PNPT1: variants seen among roughly 807,000 people sequenced by gnomAD.
PNPT1 encodes the protein polyribonucleotide nucleotidyltransferase 1, mitochondrial.
Under a neutral mutation model 119.5 loss-of-function variants are expected in PNPT1, and 53 were observed. That is an observed-to-expected ratio of 0.44 (90% confidence interval 0.36 to 0.56). The LOEUF is 0.56. Among genes scored for constraint, PNPT1 ranks in the 20% least tolerant of loss-of-function variants. PNPT1 has a pLI of 0.00. For missense variants in PNPT1, 948 were observed against 938.5 expected, an observed-to-expected ratio of 1.01 and a Z score of -0.13; for synonymous variants, 357 against 322.1, an observed-to-expected ratio of 1.11 and a Z score of -1.16.
intron 1 of PNPT1, among the ~76,000 whole-genome samples, chr2:55,689,933 C>T (rs1478481240): frequency 1.3e-5 from 2 of 152,120 alleles, no homozygotes; most frequent in African/African-American, 4.8e-5. Context: ...GTGATCCTCC[C>T]ATCTCAGCCT....
intron 12 of PNPT1, among the ~76,000 whole-genome samples, chr2:55,667,566 A>G (rs1696772943): frequency 6.7e-6 from 1 of 149,802 alleles, no homozygotes; most frequent in South Asian, 2.1e-4. Context: ...AGCCTGGGTG[A>G]CAGAGCGAGA....
chr2:55,687,464 C>T (rs937532695), intron 2 of PNPT1, among the ~76,000 whole-genome samples, 181 bp downstream of exon 2: 1 of 151,828 alleles, frequency 6.6e-6, no homozygotes, highest in Non-Finnish European at 1.5e-5. Context: ...TCACTTAATA[C>T]ATGCAGTGCT....
chr2:55,671,808 CAGAG>C (rs776879035), intron 10 of PNPT1, among the ~76,000 whole-genome samples, 183 bp downstream of exon 10: 1 of 152,184 alleles, frequency 6.6e-6, no homozygotes, highest in Non-Finnish European at 1.5e-5. Context: ...GCCTGGGCGA[CAGAG>C]AGAGACTCTG....
At position 55,656,217 on chromosome 2, in the gene PNPT1, G is replaced by A. The variant is rs376803449; in HGVS notation, c.1355C>T (p.Ala452Val). 9 of 1,612,854 alleles carry A rather than the reference G, an allele frequency of 5.6e-6. No individual in the cohort carries two copies. Among genetic ancestry groups the A allele is most frequent in the Non-Finnish European group, 6.8e-6 (8 of 1,179,486 alleles). ...AGGATACAAAGCTTTCTCAGCAAGA[G>A]CACCTAAATTAGAATAGAAAACAAT... ...GLNRRELGHG[A>V]LAEKALYPVI... Residue 452 changes from alanine to valine, a missense_variant, in exon 17 of 28, where the codon GCT becomes GTT. Physicochemically the swap from Ala to Val is moderately conservative, Grantham distance 64. Coordinates refer to ENST00000447944, the MANE Select transcript of PNPT1 (RefSeq NM_033109.5).
chr2:55,637,616 T>TA lies in PNPT1; in HGVS notation c.2149-18dup. The TA allele has an allele frequency of 6.3e-7, 1 of 1,582,940 alleles. No individual in the cohort carries two copies. ...ATGTTTAATCTGGAAAAAAAAATGT[T>TA]AATCTATTAGTTGTTGTGCATAATT... On this transcript the variant is annotated splice_polypyrimidine_tract_variant and intron_variant, in intron 26 of 27. Transcript: ENST00000447944.
At chr2:55,685,107 T>C (rs1466434552) in intron 3 of PNPT1, 59 bp from the exon 4 acceptor site, 2 of 1,268,292 alleles carry the variant, frequency 1.6e-6, no homozygotes, top group Non-Finnish European at 1.1e-6. Flanking sequence ...AACTATACTG[T>C]ATGAATGCTA....
intron 19 of PNPT1, 118 bp downstream of exon 19, chr2:55,647,229 G>T (rs776851670): frequency 3.5e-5 from 25 of 721,516 alleles, no homozygotes; most frequent in Non-Finnish European, 4.6e-5. Flanking sequence ...ATTCTTCTAA[G>T]CATACGCTAG....
At chr2:55,670,668 G>T (rs1367580234) in intron 11 of PNPT1, among the ~76,000 whole-genome samples, 1 of 152,054 alleles carries the variant, frequency 6.6e-6, no homozygotes, top group Non-Finnish European at 1.5e-5. Context: ...CATAAACCAG[G>T]TATTATTAAC....
Position 55,637,594 on chromosome 2 carries a change from T to A in PNPT1, c.2154A>T (p.Lys718Asn). The change falls in exon 27 of 28, where the codon AAA becomes AAT. Residue 718 changes from lysine to asparagine, a missense_variant. Lys to Asn is a moderately conservative substitution (Grantham distance 94). Transcript: ENST00000447944. ...CTTCTAATCCTAGGGCAGTAGGATG[T>A]TTAATCTGGAAAAAAAAATGTTAAT... ...HNTQLDQRKI[K>N]HPTALGLEVG... is the part of the protein sequence containing the mutation. 6.2e-7 allele frequency: 1 copy of A among 1,601,902 alleles called. No individual in the cohort carries two copies. The highest frequency in any genetic ancestry group is 8.6e-7 in the Non-Finnish European group (1 of 1,168,916).
intron 18 of PNPT1, among the ~76,000 whole-genome samples, chr2:55,650,901 G>T (rs1334857077): frequency 1.4e-5 from 2 of 143,422 alleles, no homozygotes; most frequent in Non-Finnish European, 3.1e-5. Context: ...GAGGTGGGGG[G>T]GTCAGCCCCC....
Position 55,684,982 on chromosome 2 carries a change from C to T in PNPT1, c.364G>A (p.Gly122Ser), listed in dbSNP as rs776130089. The T allele has an allele frequency of 6.9e-6, 11 of 1,593,162 alleles. No homozygotes were observed. The East Asian group carries it at 2.2e-4, about 33-fold the overall frequency. ...GTTAGAATTTCTTTATCAGAAGTAC[C>T]AATCTCTCTTCTCAGATAGTTTGTG... ...IPTNYLRREI[G>S]TSDKEILTSR... Residue 122 changes from glycine to serine, a missense_variant, in exon 4 of 28, where the codon GGT becomes AGT. By Grantham distance (56) the Gly-to-Ser change is moderately conservative. Coordinates refer to ENST00000447944, the MANE Select transcript of PNPT1 (RefSeq NM_033109.5).
intron 21 of PNPT1, among the ~76,000 whole-genome samples, chr2:55,645,831 AGT>A: frequency 1.7e-5 from 2 of 117,180 alleles, no homozygotes; most frequent in South Asian, 4.6e-4. Context: ...CTGGCTACTT[AGT>A]ACTTCTTTTT....
chr2:55,651,827 C>T (rs533762831), intron 18 of PNPT1, among the ~76,000 whole-genome samples: 1 of 146,012 alleles, frequency 6.8e-6, no homozygotes, highest in East Asian at 2.0e-4. Context: ...TAAAGCTATC[C>T]TTCCTCTGAC....
At position 55,654,882 on chromosome 2, in the gene PNPT1, G is replaced by C. The variant is rs779585600; in HGVS notation, c.1495+18C>G. The C allele has an allele frequency of 4.5e-5, 73 of 1,610,288 alleles. No individual in the cohort carries two copies. Among genetic ancestry groups the C allele is most frequent in the Non-Finnish European group, 5.9e-5 (70 of 1,177,574 alleles). ...AGGCATGAGCAATATCAGCAGTTTT[G>C]AGACATAATTCTTTTACCTGAATCC... On this transcript the variant is annotated intron_variant, in intron 18 of 27. Transcript: ENST00000447944.
chr2:55,673,514 T>C (rs900983705), intron 8 of PNPT1, among the ~76,000 whole-genome samples: 53 of 151,632 alleles, frequency 3.5e-4, no homozygotes, highest in Admixed American at 2.6e-4. Flanking sequence ...AGTGGCGCAA[T>C]CTCGGCTCAC....
intron 18 of PNPT1, 99 bp from the exon 19 acceptor site, chr2:55,647,552 G>A (rs1696041006): frequency 1.2e-6 from 1 of 802,636 alleles, no homozygotes; most frequent in Non-Finnish European, 1.9e-6. Context: ...GGGAGTCTCG[G>A]TCTGTTGCCC....
intron 18 of PNPT1, among the ~76,000 whole-genome samples, chr2:55,649,335 C>A (rs759263473): frequency 2.0e-5 from 3 of 152,128 alleles, no homozygotes; most frequent in Non-Finnish European, 4.4e-5. Flanking sequence ...GAATCACTGT[C>A]AAAAAATCCT....
Position 55,643,142 on chromosome 2 carries a change from T to C in PNPT1, c.2069+16A>G. On this transcript the variant is annotated intron_variant, in intron 25 of 27. Transcript: ENST00000447944. ...AGAAAGGAAAATGCTCAGCATAGTA[T>C]ATTACTTGATATTACCTGATTTCAG... is the stretch of plus-strand genomic sequence containing the variant. The C allele has an allele frequency of 6.2e-7, 1 of 1,613,044 alleles. No individual in the cohort carries two copies.
chr2:55,661,479 T>G (rs1696575216), intron 14 of PNPT1, among the ~76,000 whole-genome samples: 1 of 152,164 alleles, frequency 6.6e-6, no homozygotes, highest in African/African-American at 2.4e-5. Context: ...GATTTTACTG[T>G]TGACTTTTTA....
Sources: allele counts gnomAD v4.1 joint callset (sites outside exome capture counted in the v4.1 genomes callset), GRCh38; gene constraint gnomAD v4.1.1; transcripts MANE v1.5; gene names NCBI Gene and HGNC (gene_info 2026-07-23, HGNC 2026-07-21).